MRPL28: variants seen among roughly 807,000 people sequenced by gnomAD.
MRPL28 encodes the protein large ribosomal subunit protein bL28m.
A neutral mutation model predicts 26.2 loss-of-function variants in MRPL28; 25 were observed. The observed-to-expected ratio is 0.95, with a 90% CI of 0.69 to 1.33. The LOEUF (loss-of-function observed/expected upper bound fraction) is 1.33. MRPL28 is among the 40% of genes most tolerant of loss of function. MRPL28 has a pLI of 0.00. For missense variants in MRPL28, 432 were observed against 327.2 expected, an observed-to-expected ratio of 1.32 and a Z score of -2.47; for synonymous variants, 227 against 140.1, an observed-to-expected ratio of 1.62 and a Z score of -4.38.
rs762549178 is a variant in MRPL28, at chr16:370,181, C to A, written c.38G>T (p.Arg13Leu). 14 of 1,598,716 alleles carry A rather than the reference C, an allele frequency of 8.8e-6. No homozygotes were observed. The highest frequency in any genetic ancestry group is 5.4e-5 in the African/African-American group (4 of 74,600). Residue 13 changes from arginine (R) to leucine (L), a missense_variant, in exon 2 of 6, where the codon CGG becomes CTG. By Grantham distance (102) the Arg-to-Leu change is moderately radical (BLOSUM62 -2). Coordinates refer to ENST00000199706, the MANE Select transcript of MRPL28 (RefSeq NM_006428.5). ...ACAGATGCCCTCCCGCAGCTGCAGC[C>A]GCTTCCAGAGCCACACGGGATACTT... ...LHKYPVWLWK[R>L]LQLREGICSR...
Position 369,061 on chromosome 16 carries a change from C to A in MRPL28, c.441+7G>T. 1 of 1,612,832 alleles carries A rather than the reference C, an allele frequency of 6.2e-7. No individual in the cohort carries two copies. The highest frequency in any genetic ancestry group is 8.5e-7 in the Non-Finnish European group (1 of 1,179,582). The stretch of plus-strand genomic sequence containing the variant: ...CTGTGTGCACTGACTCGCCCCACCC[C>A]GCTTGCCTTGAGGATGTAAAAGTCG... On this transcript the variant is annotated splice_region_variant and intron_variant, in intron 3 of 5. Coordinates refer to ENST00000199706, the MANE Select transcript of MRPL28 (RefSeq NM_006428.5).
intron 3 of MRPL28, 135 bp downstream of exon 3, chr16:368,933 C>A: frequency 1.2e-5 from 14 of 1,189,438 alleles, no homozygotes; most frequent in Non-Finnish European, 1.6e-5. Flanking sequence ...AGGGGCATGG[C>A]CCCACTCACG....
rs917985895 is a variant in MRPL28 at position 368,944 on chromosome 16, C to T, written c.441+124G>A. The T allele has an allele frequency of 4.4e-5, 56 of 1,279,746 alleles. No individual in the cohort carries two copies. The South Asian group carries it at 5.3e-4, about 12-fold the overall frequency. 79.3% of individuals were successfully genotyped at this position (1,279,746 alleles called of 1,614,324 possible). The stretch of plus-strand genomic sequence containing the variant: ...AGAAAGGGGCATGGCCCCACTCACG[C>T]TTTCCCAGTGACCCTCCTGTGCAGA... On this transcript the variant is annotated intron_variant, in intron 3 of 5. Coordinates refer to ENST00000199706, the MANE Select transcript of MRPL28 (RefSeq NM_006428.5).
In MRPL28 at chr16:367,637, A is replaced by G. The variant is rs563233715; in HGVS notation, c.*38T>C. On this transcript the variant is annotated 3_prime_UTR_variant, in exon 6 of 6. Transcript: ENST00000199706. ...TCAGTGCAAAGGGCCTGGCAGGGAA[A>G]GCTGGGCCTGTTGGTCAGGCATGGA... The G allele has an allele frequency of 7.7e-6, 12 of 1,562,420 alleles. No individual in the cohort carries two copies. In the Admixed American group the frequency reaches 1.8e-4, roughly 24 times the overall value.
intron 2 of MRPL28, chr16:369,730 C>T (rs951707124): frequency 1.2e-6 from 1 of 800,742 alleles, no homozygotes; most frequent in Non-Finnish European, 2.1e-6. Context: ...CCTGAGTCAC[C>T]CCACCTCACC....
At chr16:369,498 C>G (rs2054297269) in intron 2 of MRPL28, 2 of 631,052 alleles carry the variant, frequency 3.2e-6, no homozygotes, top group Non-Finnish European at 5.8e-6. Context: ...ACATGTGCGA[C>G]CCCACAGTTT....
In MRPL28 at chr16:370,174, C is replaced by T. The variant is rs1370883900; in HGVS notation, c.45G>A (p.Gln15=). ...KYPVWLWKRL[Q]LREGICSRLP... Reference sequence around the variant, plus strand: ...GGCGGGAACAGATGCCCTCCCGCAGCTGCAGCCGCTTCCAGAGCCACACGG... The same window carrying T: ...GGCGGGAACAGATGCCCTCCCGCAGTTGCAGCCGCTTCCAGAGCCACACGG... The change falls in exon 2 of 6, where the codon CAG becomes CAA. Residue 15 remains glutamine, a synonymous_variant. Transcript: ENST00000199706. The T allele has an allele frequency of 6.3e-7, 1 of 1,599,276 alleles. No individual in the cohort carries two copies. The highest frequency in any genetic ancestry group is 1.1e-5 in the South Asian group (1 of 90,128).
chr16:369,540 A>G (rs1289404850), intron 2 of MRPL28: 6 of 606,026 alleles, frequency 9.9e-6, no homozygotes, highest in Admixed American at 2.3e-5. Flanking sequence ...TGGAGGTGAC[A>G]CAAGTCTCCC....
chr16:368,725 G>A, intron 3 of MRPL28, 90 bp from the exon 4 acceptor site: 1 of 1,502,166 alleles, frequency 6.7e-7, no homozygotes, highest in Non-Finnish European at 8.9e-7. Context: ...CTAGCCGCTG[G>A]TGGTCCCAGG....
chr16:368,682 C>A, intron 3 of MRPL28, 47 bp from the exon 4 acceptor site: 1 of 1,517,134 alleles, frequency 6.6e-7, no homozygotes, highest in Non-Finnish European at 8.8e-7. Flanking sequence ...CAGGGCCCCA[C>A]CTACCCTTCC....
chr16:368,265 C>T lies in MRPL28; in HGVS notation c.663+63G>A, dbSNP rs1043753795. The T allele has an allele frequency of 4.0e-5, 63 of 1,576,876 alleles. 1 individual carries two copies. In the Middle Eastern group the frequency reaches 5.0e-4, roughly 12 times the overall value. On this transcript the variant is annotated intron_variant, in intron 5 of 5. Transcript: ENST00000199706. The stretch of plus-strand genomic sequence containing the variant: ...TGTGCAGGCTCTCTCCAAGGCAGCA[C>T]ACTCCCAGACCCTGAACACCAGGCT...
chr16:370,066 C>G lies in MRPL28; in HGVS notation c.153G>C (p.Lys51Asn), dbSNP rs1567320054. 1 of 1,612,744 alleles carries G rather than the reference C, an allele frequency of 6.2e-7. No homozygotes were observed. Among genetic ancestry groups the G allele is most frequent in the Admixed American group, 1.7e-5 (1 of 59,922 alleles). The change falls in exon 2 of 6, where the codon AAG becomes AAC. Residue 51 changes from lysine (K) to asparagine (N), a missense_variant. By Grantham distance (94) the Lys-to-Asn change is moderately conservative. Coordinates refer to ENST00000199706, the MANE Select transcript of MRPL28 (RefSeq NM_006428.5). Reference protein sequence around the residue: ...VHYRPHGAKFKINPKNGQRER... With the variant: ...VHYRPHGAKFNINPKNGQRER... ...CCCGCTGCCCGTTCTTGGGGTTGAT[C>G]TTGAACTTGGCCCCATGAGGCCTAT...
At chr16:370,300 C>T (rs1244891130) in intron 1 of MRPL28, 75 bp from the exon 2 acceptor site, 48 of 1,405,420 alleles carry the variant, frequency 3.4e-5, no homozygotes, top group Admixed American at 2.7e-4. Flanking sequence ...CCCCGGCCCC[C>T]GACTCTCACC....
intron 3 of MRPL28, 121 bp from the exon 4 acceptor site, chr16:368,756 G>C: frequency 6.9e-7 from 1 of 1,443,300 alleles, no homozygotes; most frequent in Non-Finnish European, 9.2e-7. Flanking sequence ...GAAGGCCCGG[G>C]TGGGGCCGCC....
In MRPL28 at chr16:370,511, A is replaced by G. The variant is rs1597154586; in HGVS notation, c.-20T>C. The G allele has an allele frequency of 3.3e-6, 3 of 904,144 alleles. No individual in the cohort carries two copies. In the South Asian group the frequency reaches 1.7e-4, roughly 50 times the overall value. The allele number at this position is 904,144 out of a possible 1,614,324, so 56.0% of individuals were successfully genotyped here. A position where few individuals can be genotyped will look rare whatever the true frequency, so the allele number is the denominator to read the frequency against. ...TGCCCGCGCCCACCTTTCAGGGTTCAGAGCCCACCGGAACCGGAAGCCGAT... is the reference window on the plus strand; with the variant it reads ...TGCCCGCGCCCACCTTTCAGGGTTCGGAGCCCACCGGAACCGGAAGCCGAT... On this transcript the variant is annotated 5_prime_UTR_variant, in exon 1 of 6. Coordinates refer to ENST00000199706, the MANE Select transcript of MRPL28 (RefSeq NM_006428.5).
At position 367,683 on chromosome 16, in the gene MRPL28, C is replaced by T; in HGVS notation, c.763G>A (p.Gly255Ser). Residue 255 changes from glycine (G) to serine (S), a missense_variant, in exon 6 of 6, where the codon GGC becomes AGC. Gly to Ser is a moderately conservative substitution (Grantham distance 56). Coordinates refer to ENST00000199706, the MANE Select transcript of MRPL28 (RefSeq NM_006428.5). ...ATGGAGGAGCTGTGTGGTCACTGGC[C>T]ACTGGCTCTCTTCTGCACCACCGCC... Reference protein sequence around the residue: ...EPAVVQKRASGQ With the variant: ...EPAVVQKRASSQ The T allele has an allele frequency of 6.2e-7, 1 of 1,613,584 alleles. No homozygotes were observed. Among genetic ancestry groups the T allele is most frequent in the Non-Finnish European group, 8.5e-7 (1 of 1,179,880 alleles).
chr16:368,164 G>A (rs962113060), intron 5 of MRPL28, among the ~76,000 whole-genome samples, 164 bp downstream of exon 5: 1 of 152,190 alleles, frequency 6.6e-6, no homozygotes, highest in Non-Finnish European at 1.5e-5. Flanking sequence ...GGAGGGGAGG[G>A]AGCGGGCCAT....
chr16:369,732 C>T (rs1365443872), intron 2 of MRPL28, 199 bp downstream of exon 2: 1 of 805,780 alleles, frequency 1.2e-6, no homozygotes, highest in Non-Finnish European at 2.1e-6. Flanking sequence ...TGAGTCACCC[C>T]ACCTCACCCC....
chr16:369,473 G>A, intron 2 of MRPL28: 1 of 633,206 alleles, frequency 1.6e-6, no homozygotes, highest in Non-Finnish European at 2.9e-6. Context: ...CATGGTTGCT[G>A]CATGTGTTTC....
Sources: gnomAD v4.1 joint callset for allele counts (sites outside exome capture counted in the v4.1 genomes callset) on GRCh38, gnomAD v4.1.1 for gene constraint, MANE v1.5 for transcripts, NCBI Gene and HGNC (gene_info 2026-07-23, HGNC 2026-07-21) for gene names.